The following FBXL17 variants were observed in gnomAD, a reference collection of about 807,000 sequenced individuals.
FBXL17 encodes the protein F-box/LRR-repeat protein 17.
In FBXL17, 22 loss-of-function variants were observed where a neutral mutation model predicts 66.2. The ratio of observed to expected loss-of-function variants is 0.33; its 90% CI spans 0.24 to 0.47. The LOEUF is 0.47. Ranked by LOEUF, FBXL17 falls within the 20% of genes least tolerant of loss-of-function variation. The pLI is 1.00. For missense variants in FBXL17, 878 were observed against 948.2 expected (o/e 0.93, Z 0.97); for synonymous variants, 474 against 400.5 (o/e 1.18, Z -2.19).
At chr5:108,343,129 A>C (rs1746997127) in intron 4 of FBXL17, among the ~76,000 whole-genome samples, 1 of 152,202 alleles carries the variant, frequency 6.6e-6, no homozygotes, top group Non-Finnish European at 1.5e-5. Flanking sequence ...CCAGTGCCTT[A>C]ATCTTGGACT....
intron 4 of FBXL17, among the ~76,000 whole-genome samples, chr5:108,287,210 T>C (rs981187359): frequency 2.6e-5 from 4 of 151,882 alleles, no homozygotes; most frequent in Non-Finnish European, 5.9e-5. Flanking sequence ...ACATAGGACC[T>C]GGCAAAGATT....
chr5:108,009,823 G>T (rs1754108366), intron 7 of FBXL17, among the ~76,000 whole-genome samples: 1 of 152,068 alleles, frequency 6.6e-6, no homozygotes, highest in Non-Finnish European at 1.5e-5. Context: ...AATCTGTCTG[G>T]TTCTTTGCCT....
chr5:108,041,983 C>T (rs998919789), intron 6 of FBXL17, among the ~76,000 whole-genome samples: 4 of 152,100 alleles, frequency 2.6e-5, no homozygotes, highest in African/African-American at 7.2e-5. Context: ...GCAACCTCTG[C>T]CTCCTGGGTT....
intron 7 of FBXL17, among the ~76,000 whole-genome samples, chr5:107,971,743 C>T (rs1752380731): frequency 6.6e-6 from 1 of 152,128 alleles, no homozygotes; most frequent in Non-Finnish European, 1.5e-5. Flanking sequence ...AGTATATAGC[C>T]TGTTAGGTAG....
chr5:108,214,311 T>C (rs931415423), intron 5 of FBXL17, among the ~76,000 whole-genome samples: 1 of 151,706 alleles, frequency 6.6e-6, no homozygotes, highest in African/African-American at 2.4e-5. Flanking sequence ...TGTCAAAGAG[T>C]AGAATATTTT....
intron 6 of FBXL17, among the ~76,000 whole-genome samples, chr5:108,110,006 T>C (rs1487748797): frequency 6.6e-6 from 1 of 152,112 alleles, no homozygotes; most frequent in Non-Finnish European, 1.5e-5. Context: ...TATGACTGAG[T>C]CACATACCTT....
intron 7 of FBXL17, among the ~76,000 whole-genome samples, chr5:107,887,139 G>C (rs1748999538): frequency 6.6e-6 from 1 of 152,162 alleles, no homozygotes; most frequent in Non-Finnish European, 1.5e-5. Flanking sequence ...TAAAGTTAGA[G>C]GTAGCTGGGT....
At chr5:107,937,475 G>A (rs111638149) in intron 7 of FBXL17, among the ~76,000 whole-genome samples, 102 of 152,206 alleles carry the variant, frequency 6.7e-4, no homozygotes, top group African/African-American at 2.3e-3. Flanking sequence ...CTTTCAAAAC[G>A]TACACACAGA....
chr5:108,079,155 TC>T (rs890568217), intron 6 of FBXL17, among the ~76,000 whole-genome samples: 4 of 143,958 alleles, frequency 2.8e-5, no homozygotes, highest in African/African-American at 9.9e-5. Context: ...AACCTCTCTT[TC>T]TTTTTTTTTT....
intron 6 of FBXL17, among the ~76,000 whole-genome samples, chr5:108,083,797 C>G (rs1199275046): frequency 6.6e-6 from 1 of 151,732 alleles, no homozygotes; most frequent in South Asian, 2.1e-4. Context: ...TAAACATGAC[C>G]AAAAAAACAT....
At chr5:107,880,770 C>A in intron 8 of FBXL17, 1 of 1,308,294 alleles carries the variant, frequency 7.6e-7, no homozygotes, top group South Asian at 2.8e-5. Context: ...AATAGGATGC[C>A]AAACTCTAGT....
chr5:108,017,958 A>G (rs1754447763), intron 7 of FBXL17, among the ~76,000 whole-genome samples: 1 of 152,144 alleles, frequency 6.6e-6, no homozygotes, highest in Non-Finnish European at 1.5e-5. Flanking sequence ...CAAGTACTAT[A>G]ATACTACATT....
chr5:107,885,185 A>AT, intron 7 of FBXL17, among the ~76,000 whole-genome samples: 1 of 152,280 alleles, frequency 6.6e-6, no homozygotes, highest in South Asian at 2.1e-4. Flanking sequence ...CTCCAATGCA[A>AT]TTTTAATATA....
intron 4 of FBXL17, chr5:108,298,647 GT>G (rs957200868): frequency 8.9e-6 from 8 of 899,978 alleles, no homozygotes; most frequent in Non-Finnish European, 1.1e-5. Context: ...ACAAAACACA[GT>G]TCATCCTTTG....
At chr5:108,277,638 T>C (rs1757536519) in intron 4 of FBXL17, among the ~76,000 whole-genome samples, 1 of 152,182 alleles carries the variant, frequency 6.6e-6, no homozygotes, top group South Asian at 2.1e-4. Flanking sequence ...TCTCTCAGTC[T>C]GAAGCAAGAA....
chr5:108,357,355 G>C (rs1174896191), intron 3 of FBXL17, among the ~76,000 whole-genome samples: 1 of 151,922 alleles, frequency 6.6e-6, no homozygotes, highest in East Asian at 1.9e-4. Context: ...AAAACTGTTA[G>C]AACTACAAGG....
intron 5 of FBXL17, among the ~76,000 whole-genome samples, chr5:108,189,352 T>A (rs1753372554): frequency 1.7e-5 from 2 of 118,246 alleles, no homozygotes; most frequent in South Asian, 3.6e-4. Context: ...GGGATGGCAA[T>A]AAAATGAAAG....
At chr5:108,351,081 G>A (rs540723160) in intron 3 of FBXL17, among the ~76,000 whole-genome samples, 2 of 152,284 alleles carry the variant, frequency 1.3e-5, no homozygotes, top group East Asian at 3.9e-4. Context: ...GCAACTGGAG[G>A]AAAGCTTTGG....
chr5:107,861,836 G>A lies in FBXL17; in HGVS notation c.1990C>T (p.Leu664=). 1.3e-6 allele frequency: 2 copies of A among 1,550,372 alleles called. No individual in the cohort carries two copies. The highest frequency in any genetic ancestry group is 1.7e-6 in the Non-Finnish European group (2 of 1,143,748). The part of the protein sequence containing the change: ...DKVNEVTVEQ[L]VQQYPHITFS... ...GTGATGTGGGGGTACTGCTGCACCA[G>A]CTGTTCCACCGTCACTTCGTTGACC... Residue 664 remains leucine, a synonymous_variant, in exon 9 of 9, where the codon CTG becomes TTG. Transcript: ENST00000542267.
Sources: gnomAD v4.1 joint callset for allele counts (sites outside exome capture counted in the v4.1 genomes callset) on GRCh38, gnomAD v4.1.1 for gene constraint, MANE v1.5 for transcripts, NCBI Gene and HGNC (gene_info 2026-07-23, HGNC 2026-07-21) for gene names.